NR2F1-AS1: variants seen among roughly 807,000 people sequenced by gnomAD.
NR2F1-AS1 encodes the protein NR2F1 regulatory antisense RNA 1.
intron 4 of NR2F1-AS1, among the ~76,000 whole-genome samples, chr5:93,500,546 T>C (rs968881840): frequency 6.6e-6 from 1 of 152,182 alleles, no homozygotes. Context: ...CTGATGGAGA[T>C]GACAAAAAGA....
chr5:93,514,144 G>A (rs1275395164), intron 4 of NR2F1-AS1, among the ~76,000 whole-genome samples: 2 of 151,986 alleles, frequency 1.3e-5, no homozygotes, highest in Non-Finnish European at 2.9e-5. Context: ...TAACACTGCT[G>A]GATGTTAAAT....
At chr5:93,557,664 T>C (rs1030992747) in intron 2 of NR2F1-AS1, among the ~76,000 whole-genome samples, 1 of 152,188 alleles carries the variant, frequency 6.6e-6, no homozygotes, top group African/African-American at 2.4e-5. Context: ...AGTTGATGAC[T>C]GCTGACTGAT....
chr5:93,581,716 C>G (rs1580353782), upstream of NR2F1-AS1, among the ~76,000 whole-genome samples: 2 of 69,046 alleles, frequency 2.9e-5, no homozygotes, highest in South Asian at 7.8e-4. Context: ...CTCTCTCTCT[C>G]TCTCTCTCTC....
intron 4 of NR2F1-AS1, among the ~76,000 whole-genome samples, chr5:93,434,102 C>G (rs1749384609): frequency 6.6e-6 from 1 of 152,104 alleles, no homozygotes; most frequent in South Asian, 2.1e-4. Context: ...GTAGTCTCTT[C>G]TTACAGCTAA....
At chr5:93,481,746 AAAG>A (rs913794938) in intron 4 of NR2F1-AS1, among the ~76,000 whole-genome samples, 50 of 152,148 alleles carry the variant, frequency 3.3e-4, no homozygotes, top group African/African-American at 1.2e-3. Flanking sequence ...GAAATAAATA[AAAG>A]AAGGAAAACT....
chr5:93,501,590 G>A (rs1162133137), intron 4 of NR2F1-AS1, among the ~76,000 whole-genome samples: 1 of 152,014 alleles, frequency 6.6e-6, no homozygotes, highest in Non-Finnish European at 1.5e-5. Flanking sequence ...CTGACCTCAA[G>A]TGATCCACCT....
At position 93,457,284 on chromosome 5, in the gene NR2F1-AS1, A is replaced by G. The variant is rs576101268; in HGVS notation, n.639-61742T>C. Among the ~76,000 whole-genome samples the G allele has an allele frequency of 2.0e-5, 3 of 152,228 alleles. No individual in the cohort carries two copies. In the East Asian group the frequency reaches 5.8e-4, roughly 29 times the overall value. Reference sequence around the variant, plus strand: ...TAGGCAGAGGTCCCTGCAGCCTTCCACAGTGTTTTGTGTCCCCGGGTACTT... The same window carrying G: ...TAGGCAGAGGTCCCTGCAGCCTTCCGCAGTGTTTTGTGTCCCCGGGTACTT... On this transcript the variant is annotated intron_variant and non_coding_transcript_variant, in intron 4 of 5. Transcript: ENST00000660523.
At chr5:93,562,195 A>AAAAAAAAGAAAAG (rs755007063) in intron 2 of NR2F1-AS1, among the ~76,000 whole-genome samples, 2 of 136,664 alleles carry the variant, frequency 1.5e-5, no homozygotes, top group African/African-American at 6.0e-5. Flanking sequence ...AAAAAAAAAA[A>AAAAAAAAGAAAAG]AAAAGAAAAG....
intron 1 of NR2F1-AS1, among the ~76,000 whole-genome samples, chr5:93,567,400 G>A (rs1752643621): frequency 1.3e-5 from 2 of 152,122 alleles, no homozygotes; most frequent in Non-Finnish European, 2.9e-5. Flanking sequence ...ATTGATTGCT[G>A]TTTCAGTATG....
chr5:93,440,383 T>G (rs1252826165), intron 4 of NR2F1-AS1, among the ~76,000 whole-genome samples: 1 of 152,202 alleles, frequency 6.6e-6, no homozygotes, highest in Non-Finnish European at 1.5e-5. Flanking sequence ...GATTGGTCTC[T>G]CCAATGTGGA....
chr5:93,585,537 C>CTCTT (rs781336309), upstream of NR2F1-AS1: 1 of 1,461,814 alleles, frequency 6.8e-7, no homozygotes. Flanking sequence ...GCCTCCCTGG[C>CTCTT]TCTTTCTTTC....
intron 4 of NR2F1-AS1, among the ~76,000 whole-genome samples, chr5:93,501,415 G>A (rs1424349883): frequency 6.8e-6 from 1 of 147,426 alleles, no homozygotes; most frequent in East Asian, 2.1e-4. Flanking sequence ...GTGCAGTGGT[G>A]CAATCTGGGC....
At chr5:93,562,195 A>AAAAAAAAAAAAAAAAGAAAAGAAAAG (rs755007063) in intron 2 of NR2F1-AS1, among the ~76,000 whole-genome samples, 2 of 136,664 alleles carry the variant, frequency 1.5e-5, no homozygotes, top group East Asian at 2.0e-4. Flanking sequence ...AAAAAAAAAA[A>AAAAAAAAAAAAAAAAGAAAAGAAAAG]AAAAGAAAAG....
At chr5:93,535,692 A>G (rs1751824697) in intron 4 of NR2F1-AS1, among the ~76,000 whole-genome samples, 1 of 152,170 alleles carries the variant, frequency 6.6e-6, no homozygotes, top group Non-Finnish European at 1.5e-5. Context: ...GATGCAAAAC[A>G]GTAAATGTGA....
At chr5:93,499,907 C>T (rs1289679293) in intron 4 of NR2F1-AS1, among the ~76,000 whole-genome samples, 2 of 152,146 alleles carry the variant, frequency 1.3e-5, no homozygotes, top group African/African-American at 2.4e-5. Flanking sequence ...TCCCTTAAGC[C>T]AAAACCTAAT....
At chr5:93,563,804 T>C (rs990889457) in intron 1 of NR2F1-AS1, among the ~76,000 whole-genome samples, 2 of 151,986 alleles carry the variant, frequency 1.3e-5, no homozygotes, top group South Asian at 4.1e-4. Flanking sequence ...GGTCTGCTTA[T>C]TAAAACACAA....
At chr5:93,453,968 T>A (rs1749892377) in intron 4 of NR2F1-AS1, among the ~76,000 whole-genome samples, 1 of 152,204 alleles carries the variant, frequency 6.6e-6, no homozygotes, top group African/African-American at 2.4e-5. Flanking sequence ...GTTTTCCTCA[T>A]ATTTTAATCT....
chr5:93,557,504 A>G (rs1438288507), intron 2 of NR2F1-AS1, among the ~76,000 whole-genome samples: 1 of 152,210 alleles, frequency 6.6e-6, no homozygotes, highest in Admixed American at 6.5e-5. Context: ...ACTATAATGA[A>G]GTCTATTAAA....
At chr5:93,453,146 A>G (rs1286934152) in intron 4 of NR2F1-AS1, among the ~76,000 whole-genome samples, 2 of 152,172 alleles carry the variant, frequency 1.3e-5, no homozygotes, top group East Asian at 1.9e-4. Context: ...GATCTACTAG[A>G]AGTGAGAATT....
Sources: allele counts gnomAD v4.1 joint callset (sites outside exome capture counted in the v4.1 genomes callset), GRCh38; gene constraint gnomAD v4.1.1; transcripts MANE v1.5; gene names NCBI Gene and HGNC (gene_info 2026-07-23, HGNC 2026-07-21).